Variants in MALRD1 observed in about 807,000 individuals in gnomAD.
MALRD1 encodes the protein MAM and LDL-receptor class A domain-containing protein 1.
Under a neutral mutation model 242.1 loss-of-function variants are expected in MALRD1, and 247 were observed. That is an observed-to-expected ratio of 1.02 (90% confidence interval 0.92 to 1.13). The LOEUF (loss-of-function observed/expected upper bound fraction) is 1.13. MALRD1 is among the 50% of genes most tolerant of loss of function. MALRD1 has a pLI of 0.00. For synonymous variants in MALRD1, 995 were observed against 866.6 expected (o/e 1.15, Z -2.60); for missense variants, 2,989 against 2,533.1 (o/e 1.18, Z -3.86).
At chr10:19,072,120 A>T (rs1835168634) in intron 2 of MALRD1, among the ~76,000 whole-genome samples, 1 of 152,186 alleles carries the variant, frequency 6.6e-6, no homozygotes. Flanking sequence ...CAAAGCTCAC[A>T]ACGTGACAAG....
At chr10:19,180,557 A>G (rs776614579) in intron 14 of MALRD1, among the ~76,000 whole-genome samples, 1 of 152,208 alleles carries the variant, frequency 6.6e-6, no homozygotes, top group African/African-American at 2.4e-5. Flanking sequence ...TACACCGTAC[A>G]CTTAAATAAA....
intron 38 of MALRD1, among the ~76,000 whole-genome samples, chr10:19,700,787 G>C (rs949999959): frequency 1.3e-5 from 2 of 152,168 alleles, no homozygotes; most frequent in South Asian, 4.1e-4. Context: ...CAGTCTTAGT[G>C]ATCTTTTGAG....
intron 38 of MALRD1, among the ~76,000 whole-genome samples, chr10:19,718,697 G>A (rs1834538587): frequency 6.6e-6 from 1 of 152,154 alleles, no homozygotes; most frequent in Non-Finnish European, 1.5e-5. Flanking sequence ...GTTGAATAAT[G>A]CTGTGTCAAG....
At chr10:19,651,116 T>G (rs918946462) in intron 36 of MALRD1, among the ~76,000 whole-genome samples, 36 of 152,340 alleles carry the variant, frequency 2.4e-4, no homozygotes, top group Non-Finnish European at 5.9e-5. Context: ...CTCTTCTTTT[T>G]CTCTGTTTAA....
At chr10:19,614,710 C>G (rs936121357) in intron 35 of MALRD1, among the ~76,000 whole-genome samples, 3 of 151,934 alleles carry the variant, frequency 2.0e-5, no homozygotes, top group Non-Finnish European at 2.9e-5. Flanking sequence ...ATAAGTAAAC[C>G]ACCTTTGAAA....
chr10:19,532,106 A>G (rs139738568), intron 32 of MALRD1, among the ~76,000 whole-genome samples: 4 of 152,302 alleles, frequency 2.6e-5, no homozygotes, highest in East Asian at 1.9e-4. Flanking sequence ...TAAACACTCT[A>G]TGGTATCAAT....
chr10:19,096,787 G>A (rs971169490), intron 4 of MALRD1, among the ~76,000 whole-genome samples: 14 of 152,278 alleles, frequency 9.2e-5, no homozygotes, highest in Middle Eastern at 3.4e-3. Context: ...TAGCTTAAAA[G>A]CCATGCATCC....
At chr10:19,608,829 G>A (rs1838755472) in intron 35 of MALRD1, among the ~76,000 whole-genome samples, 2 of 152,148 alleles carry the variant, frequency 1.3e-5, no homozygotes, top group East Asian at 3.9e-4. Flanking sequence ...AAATGAAAAA[G>A]TGACCAGATC....
intron 21 of MALRD1, among the ~76,000 whole-genome samples, chr10:19,296,084 T>C (rs1841681876): frequency 6.6e-6 from 1 of 152,048 alleles, no homozygotes; most frequent in Non-Finnish European, 1.5e-5. Context: ...GACATGGTTG[T>C]ATTTTATAAA....
chr10:19,497,291 A>G (rs1316642351), intron 30 of MALRD1, among the ~76,000 whole-genome samples: 1 of 141,546 alleles, frequency 7.1e-6, no homozygotes, highest in Non-Finnish European at 1.5e-5. Flanking sequence ...ATCACATAAT[A>G]AAAACCTATT....
chr10:19,711,107 G>A (rs1459743199), intron 38 of MALRD1: 1 of 152,146 alleles, frequency 6.6e-6, no homozygotes, highest in Admixed American at 6.5e-5. Context: ...CTTAATTTTT[G>A]TTTAATAATT....
chr10:19,286,298 G>A (rs1435509832), intron 21 of MALRD1, among the ~76,000 whole-genome samples: 1 of 146,506 alleles, frequency 6.8e-6, no homozygotes, highest in Non-Finnish European at 1.5e-5. Context: ...ATGTTGAATA[G>A]GAGCAGTGAG....
chr10:19,312,461 T>A (rs1257017819), intron 21 of MALRD1, among the ~76,000 whole-genome samples: 2 of 150,244 alleles, frequency 1.3e-5, no homozygotes, highest in East Asian at 3.9e-4. Flanking sequence ...TATGTATATG[T>A]ATAATGGCAC....
At chr10:19,554,084 T>A (rs1404822198) in intron 32 of MALRD1, among the ~76,000 whole-genome samples, 1 of 152,094 alleles carries the variant, frequency 6.6e-6, no homozygotes, top group Non-Finnish European at 1.5e-5. Context: ...AAGCAGAAGA[T>A]GTAATAAGTA....
intron 36 of MALRD1, among the ~76,000 whole-genome samples, chr10:19,661,601 C>G (rs1449476673): frequency 6.6e-6 from 1 of 151,906 alleles, no homozygotes; most frequent in Non-Finnish European, 1.5e-5. Flanking sequence ...CACATGGACA[C>G]AGGAAGGGAA....
intron 14 of MALRD1, among the ~76,000 whole-genome samples, chr10:19,182,691 T>C (rs11008832): frequency 0.3 from 45,742 of 151,776 alleles, 7,223 homozygotes; most frequent in Admixed American, 0.37. Flanking sequence ...GTCATCATTA[T>C]ATTGAGAATG....
At chr10:19,258,119 T>C (rs1486691446) in intron 19 of MALRD1, among the ~76,000 whole-genome samples, 2 of 152,280 alleles carry the variant, frequency 1.3e-5, no homozygotes, top group South Asian at 2.1e-4. Flanking sequence ...TTTATTAACC[T>C]CTCGGATTAC....
At chr10:19,136,462 G>T (rs549077192) in intron 9 of MALRD1, 112 bp from the exon 10 acceptor site, 3 of 534,270 alleles carry the variant, frequency 5.6e-6, no homozygotes, top group Non-Finnish European at 8.5e-6. Flanking sequence ...TATTGCCTTG[G>T]TTGCTTTAAA....
intron 26 of MALRD1, among the ~76,000 whole-genome samples, chr10:19,371,060 G>C (rs1341592922): frequency 6.8e-6 from 1 of 146,304 alleles, no homozygotes; most frequent in African/African-American, 2.5e-5. Context: ...GACCAGGCTG[G>C]ACAACATAGT....
Sources: allele counts gnomAD v4.1 joint callset (sites outside exome capture counted in the v4.1 genomes callset), GRCh38; gene constraint gnomAD v4.1.1; transcripts MANE v1.5; gene names NCBI Gene and HGNC (gene_info 2026-07-23, HGNC 2026-07-21).